Variants in URAD observed in about 807,000 individuals in gnomAD.
URAD encodes the protein putative 2-oxo-4-hydroxy-4-carboxy-5-ureidoimidazoline decarboxylase.
URAD carries 4 observed loss-of-function variants against 4.6 expected under a neutral mutation model. The observed-to-expected ratio is 0.87, with a 90% confidence interval of 0.43 to 1.98. URAD has a LOEUF of 1.98. Among genes scored for constraint, URAD ranks in the 30% most tolerant of loss-of-function variants. The pLI is 0.03. For missense variants in URAD, 300 were observed against 255.3 expected, an observed-to-expected ratio of 1.18 and a Z score of -1.19; for synonymous variants, 144 against 118.2, an observed-to-expected ratio of 1.22 and a Z score of -1.41.
At position 27,978,159 on chromosome 13, in the gene URAD, TC is replaced by T; in HGVS notation, c.468del (p.Ile157SerfsTer131). Reference sequence around the variant, plus strand: ...AGGTCGGCCAGGCGCAGGCTGCCGATCTTCTTCACCTCGCCCAGAGCAGTGC... The same window carrying T: ...AGGTCGGCCAGGCGCAGGCTGCCGATTTCTTCACCTCGCCCAGAGCAGTGC... ...ELRTALGEVK[K>X]IGSLRLADLL... On this transcript the variant is annotated frameshift_variant, in exon 2 of 2. Coordinates refer to ENST00000332715, the MANE Select transcript of URAD (RefSeq NM_001105577.2). LOFTEE classifies it low-confidence loss of function (END_TRUNC). 2 of 1,535,034 alleles carry T rather than the reference TC, an allele frequency of 1.3e-6. No individual in the cohort carries two copies. Among genetic ancestry groups the T allele is most frequent in the Non-Finnish European group, 1.7e-6 (2 of 1,153,630 alleles).
chr13:27,980,517 C>T (rs1393497519), intron 1 of URAD, among the ~76,000 whole-genome samples: 1 of 152,208 alleles, frequency 6.6e-6, no homozygotes. Context: ...GGGGAAAGTG[C>T]GAGTCTTGGG....
chr13:27,988,280 A>T (rs982603750), intron 1 of URAD, among the ~76,000 whole-genome samples, 183 bp downstream of exon 1: 2 of 151,992 alleles, frequency 1.3e-5, no homozygotes, highest in Admixed American at 6.6e-5. Context: ...TTTTGTAGCA[A>T]CAGATCTCAT....
At chr13:27,980,746 AGGC>A (rs1166917606) in intron 1 of URAD, among the ~76,000 whole-genome samples, 1 of 152,070 alleles carries the variant, frequency 6.6e-6, no homozygotes, top group African/African-American at 2.4e-5. Flanking sequence ...CAGCAGAGGG[AGGC>A]GGCGGCGGCG....
At chr13:27,981,334 C>CA (rs1398166271) in intron 1 of URAD, among the ~76,000 whole-genome samples, 1 of 152,160 alleles carries the variant, frequency 6.6e-6, no homozygotes, top group African/African-American at 2.4e-5. Context: ...TCCTTGCCTC[C>CA]AGTCCTCAGT....
In URAD at chr13:27,978,091, T is replaced by C; in HGVS notation, c.*15A>G. On this transcript the variant is annotated 3_prime_UTR_variant, in exon 2 of 2. Transcript: ENST00000332715. Reference sequence around the variant, plus strand: ...CGTCCGGTTGTGCGTCCCGGGTCCCTGGCCCGCGCGGCAGCTACAGCTTGG... The same window carrying C: ...CGTCCGGTTGTGCGTCCCGGGTCCCCGGCCCGCGCGGCAGCTACAGCTTGG... The C allele has an allele frequency of 6.8e-7, 1 of 1,467,712 alleles. No individual in the cohort carries two copies. The highest frequency in any genetic ancestry group is 8.9e-7 in the Non-Finnish European group (1 of 1,124,488). 90.9% of individuals were successfully genotyped at this position (1,467,712 alleles called of 1,614,324 possible).
chr13:27,980,817 G>C (rs879806762), intron 1 of URAD, among the ~76,000 whole-genome samples: 1 of 151,960 alleles, frequency 6.6e-6, no homozygotes, highest in South Asian at 2.1e-4. Context: ...CTCGCATCTC[G>C]CTTCTCACTC....
intron 1 of URAD, among the ~76,000 whole-genome samples, chr13:27,987,892 T>TGATAGATAGATGATA (rs1555247010): frequency 3.2e-4 from 48 of 150,194 alleles, no homozygotes; most frequent in Non-Finnish European, 5.0e-4. Context: ...AATAGATAGA[T>TGATAGATAGATGATA]GATAGATAGA....
chr13:27,983,367 T>A (rs1869929821), intron 1 of URAD, among the ~76,000 whole-genome samples: 1 of 152,142 alleles, frequency 6.6e-6, no homozygotes, highest in Admixed American at 6.5e-5. Context: ...GTAGCTAGGA[T>A]TACTGGTGCG....
In URAD at chr13:27,978,418, C is replaced by T. The variant is rs1316258536; in HGVS notation, c.210G>A (p.Leu70=). The T allele has an allele frequency of 7.2e-7, 1 of 1,383,722 alleles. No homozygotes were observed. Among genetic ancestry groups the T allele is most frequent in the Non-Finnish European group, 9.3e-7 (1 of 1,075,382 alleles). 85.7% of individuals were successfully genotyped at this position (1,383,722 alleles called of 1,614,324 possible). The change falls in exon 2 of 2, where the codon CTG becomes CTA. Residue 70 remains leucine (L), a synonymous_variant. Coordinates refer to ENST00000332715, the MANE Select transcript of URAD (RefSeq NM_001105577.2). ...QEGILRCHPD[L]AGSELQRGTL... ...TGCCCCGCTGCAGCTCGCTGCCCGC[C>T]AGGTCCGGGTGGCAGCGCAGGATGC...
chr13:27,978,192 C>T lies in URAD; in HGVS notation c.436G>A (p.Glu146Lys). 2.7e-6 allele frequency: 4 copies of T among 1,504,732 alleles called. No individual in the cohort carries two copies. The highest frequency in any genetic ancestry group is 2.2e-5 in the Admixed American group (1 of 44,834). 93.2% of individuals were successfully genotyped at this position (1,504,732 alleles called of 1,614,324 possible). A position where few individuals can be genotyped will look rare whatever the true frequency, so the allele number is the denominator to read the frequency against. ...ARRLLCPSAQ[E>K]LRTALGEVKK... ...ACCTCGCCCAGAGCAGTGCGCAGCT[C>T]CTGCGCGGACGGGCAGAGCAGCCGG... Residue 146 changes from glutamate (E) to lysine (K), a missense_variant, in exon 2 of 2, where the codon GAG (glutamate) becomes AAG (lysine). Physicochemically the swap from Glu to Lys is moderately conservative, Grantham distance 56 (BLOSUM62 1). Transcript: ENST00000332715.
At chr13:27,984,484 T>C (rs1412954772) in intron 1 of URAD, among the ~76,000 whole-genome samples, 2 of 152,172 alleles carry the variant, frequency 1.3e-5, no homozygotes, top group African/African-American at 4.8e-5. Context: ...AGAACCTAAA[T>C]GGACTCGCCC....
chr13:27,986,855 G>A (rs1870043224), intron 1 of URAD, among the ~76,000 whole-genome samples: 1 of 152,190 alleles, frequency 6.6e-6, no homozygotes, highest in South Asian at 2.1e-4. Flanking sequence ...CTGAGAGGCT[G>A]TGGTCCCTTC....
At chr13:27,984,536 G>C (rs1455613010) in intron 1 of URAD, among the ~76,000 whole-genome samples, 2 of 152,158 alleles carry the variant, frequency 1.3e-5, no homozygotes, top group East Asian at 3.8e-4. Context: ...AATGGTGGAG[G>C]TTTTTCTTCA....
intron 1 of URAD, among the ~76,000 whole-genome samples, chr13:27,979,238 G>T (rs1869809347): frequency 6.6e-6 from 1 of 152,116 alleles, no homozygotes; most frequent in Non-Finnish European, 1.5e-5. Context: ...TCCGACTGTA[G>T]ATCCCAGAGG....
At chr13:27,987,557 G>A (rs889677338) in intron 1 of URAD, among the ~76,000 whole-genome samples, 4 of 152,092 alleles carry the variant, frequency 2.6e-5, no homozygotes, top group South Asian at 2.1e-4. Flanking sequence ...CTTTCCCCTG[G>A]GCTCTGGAGA....
intron 1 of URAD, among the ~76,000 whole-genome samples, chr13:27,980,996 T>C (rs1869857898): frequency 6.9e-6 from 1 of 145,868 alleles, no homozygotes; most frequent in African/African-American, 2.5e-5. Context: ...ATTTACTCTC[T>C]GTTTCAGTCG....
intron 1 of URAD, among the ~76,000 whole-genome samples, chr13:27,986,119 C>A (rs917575448): frequency 3.3e-5 from 5 of 152,174 alleles, no homozygotes; most frequent in Non-Finnish European, 7.3e-5. Context: ...CTACTGCAGA[C>A]ACCAACAACC....
chr13:27,984,778 A>G (rs750822594), intron 1 of URAD, among the ~76,000 whole-genome samples: 1 of 152,112 alleles, frequency 6.6e-6, no homozygotes, highest in Non-Finnish European at 1.5e-5. Flanking sequence ...GGAGATTGAG[A>G]CCATCCTGGC....
chr13:27,979,471 G>A (rs1419604950), intron 1 of URAD, among the ~76,000 whole-genome samples: 7 of 152,220 alleles, frequency 4.6e-5, no homozygotes, highest in Non-Finnish European at 8.8e-5. Context: ...TAAAATGCGG[G>A]TGACGCCTAA....
Sources: allele counts gnomAD v4.1 joint callset (sites outside exome capture counted in the v4.1 genomes callset), GRCh38; gene constraint gnomAD v4.1.1; transcripts MANE v1.5; gene names NCBI Gene and HGNC (gene_info 2026-07-23, HGNC 2026-07-21).